Variants in LRRTM4 observed in about 807,000 individuals in gnomAD.
LRRTM4 encodes the protein leucine-rich repeat transmembrane neuronal protein 4.
A neutral mutation model predicts 47.6 loss-of-function variants in LRRTM4; 25 were observed. The observed-to-expected ratio is 0.53, with a 90% CI of 0.38 to 0.73. The LOEUF is 0.73. LRRTM4 is among the 30% of genes least tolerant of loss of function. LRRTM4 has a pLI of 0.00. For missense variants in LRRTM4, 638 were observed against 713.4 expected (o/e 0.89, Z 1.20); for synonymous variants, 311 against 269.5 (o/e 1.15, Z -1.51).
intron 3 of LRRTM4, among the ~76,000 whole-genome samples, chr2:77,093,723 C>T (rs777707606): frequency 1.4e-4 from 21 of 151,686 alleles, no homozygotes; most frequent in South Asian, 6.2e-4. Flanking sequence ...TGCACATATA[C>T]GCCCAGATGG....
intron 3 of LRRTM4, among the ~76,000 whole-genome samples, chr2:76,929,154 C>T (rs1025939103): frequency 1.3e-5 from 2 of 152,066 alleles, no homozygotes; most frequent in African/African-American, 2.4e-5. Context: ...AGCTCTGGAG[C>T]GCTTCAAGGA....
chr2:77,082,355 G>T (rs1680560627), intron 3 of LRRTM4, among the ~76,000 whole-genome samples: 1 of 151,908 alleles, frequency 6.6e-6, no homozygotes, highest in African/African-American at 2.4e-5. Context: ...ATGCGAGAGG[G>T]ACCCAAAATT....
chr2:77,137,660 A>G (rs1441502905), intron 3 of LRRTM4, among the ~76,000 whole-genome samples: 1 of 152,218 alleles, frequency 6.6e-6, no homozygotes, highest in Non-Finnish European at 1.5e-5. Context: ...AAATTCTCCA[A>G]TCAAAAGACA....
chr2:77,272,161 G>A lies in LRRTM4; in HGVS notation c.1551+246157C>T, dbSNP rs113631890. Reference sequence around the variant, plus strand: ...TGTAACACTCTTATTTTCTCCATGCGTCTATCAACATATATTACACAGATT... The same window carrying A: ...TGTAACACTCTTATTTTCTCCATGCATCTATCAACATATATTACACAGATT... On this transcript the variant is annotated intron_variant, in intron 3 of 3. Transcript: ENST00000409884. Among the ~76,000 whole-genome samples the A allele has an allele frequency of 7.0e-4, 107 of 151,892 alleles. 1 individual carries two copies. Among genetic ancestry groups the A allele is most frequent in the African/African-American group, 2.3e-3 (94 of 41,390 alleles).
intron 3 of LRRTM4, among the ~76,000 whole-genome samples, chr2:76,973,600 T>C (rs998551759): frequency 1.3e-5 from 2 of 151,954 alleles, no homozygotes; most frequent in Admixed American, 1.3e-4. Context: ...TTGCAGACCA[T>C]ATTACTTCTG....
At chr2:77,343,657 T>C (rs1671456519) in intron 3 of LRRTM4, among the ~76,000 whole-genome samples, 1 of 151,958 alleles carries the variant, frequency 6.6e-6, no homozygotes, top group Admixed American at 6.6e-5. Flanking sequence ...TTTAGCAGTT[T>C]TATTCATTCA....
chr2:77,292,048 C>T (rs1179333938), intron 3 of LRRTM4, among the ~76,000 whole-genome samples: 3 of 152,014 alleles, frequency 2.0e-5, no homozygotes, highest in Non-Finnish European at 4.4e-5. Context: ...CATGAACAGA[C>T]ACTTCTCAAA....
At chr2:76,794,803 A>G (rs1432207810) in intron 3 of LRRTM4, among the ~76,000 whole-genome samples, 1 of 151,900 alleles carries the variant, frequency 6.6e-6, no homozygotes, top group Non-Finnish European at 1.5e-5. Flanking sequence ...AGCCAGTAGC[A>G]TCAATCCCCC....
At chr2:76,973,881 A>G (rs958590062) in intron 3 of LRRTM4, among the ~76,000 whole-genome samples, 1 of 151,856 alleles carries the variant, frequency 6.6e-6, no homozygotes, top group African/African-American at 2.4e-5. Context: ...GTGTCATGGG[A>G]TAAATGTAAT....
At chr2:77,256,828 G>T (rs1675781658) in intron 3 of LRRTM4, among the ~76,000 whole-genome samples, 1 of 151,540 alleles carries the variant, frequency 6.6e-6, no homozygotes, top group South Asian at 2.1e-4. Context: ...AAAGTCCATA[G>T]GGAAGGAAGG....
At chr2:76,766,642 G>C (rs75209228) in intron 3 of LRRTM4, among the ~76,000 whole-genome samples, 4,509 of 152,292 alleles carry the variant, frequency 0.03, 101 homozygotes, top group Middle Eastern at 0.092. Context: ...AATAGGAGAG[G>C]TAGTATTTAT....
intron 3 of LRRTM4, among the ~76,000 whole-genome samples, chr2:77,498,057 C>T (rs1221179892): frequency 6.6e-6 from 1 of 151,702 alleles, no homozygotes; most frequent in Non-Finnish European, 1.5e-5. Flanking sequence ...AGTGTTTAAG[C>T]CCAGGTCTTT....
chr2:77,157,648 C>T (rs1387767621), intron 3 of LRRTM4, among the ~76,000 whole-genome samples: 1 of 151,986 alleles, frequency 6.6e-6, no homozygotes, highest in Middle Eastern at 3.2e-3. Flanking sequence ...TAGAAATAAA[C>T]CTATAATGTA....
Position 77,217,995 on chromosome 2 carries a change from A to AT in LRRTM4, c.1551+300322dup, listed in dbSNP as rs1281146191. On this transcript the variant is annotated intron_variant, in intron 3 of 3. Coordinates refer to ENST00000409884, the MANE Select transcript of LRRTM4 (RefSeq NM_001134745.3). ...ACTGAGCTTTATTTTTTTTTATTTT[A>AT]TTTTTTTTGAGACAGAGTTTCACTC... is the stretch of plus-strand genomic sequence containing the variant. 3.3e-5 allele frequency among the ~76,000 whole-genome samples: 5 copies of AT among 151,564 alleles called. No individual in the cohort carries two copies. In the East Asian group the frequency reaches 5.8e-4, roughly 18 times the overall value.
At chr2:77,380,423 C>T (rs1353829142) in intron 3 of LRRTM4, among the ~76,000 whole-genome samples, 1 of 152,000 alleles carries the variant, frequency 6.6e-6, no homozygotes, top group Non-Finnish European at 1.5e-5. Context: ...ATGATTATTT[C>T]ATTGAGTAGT....
chr2:77,111,370 G>A lies in LRRTM4; in HGVS notation c.1552-362454C>T, dbSNP rs780560657. Among the ~76,000 whole-genome samples the A allele has an allele frequency of 4.1e-5, 6 of 147,484 alleles. No individual in the cohort carries two copies. The South Asian group carries it at 1.1e-3, about 26-fold the overall frequency. ...TCTCCATCTACTGACCTCGTGATCC[G>A]CCCGCCTCGGCCTCCCAAAGTGCTG... On this transcript the variant is annotated intron_variant, in intron 3 of 3. Transcript: ENST00000409884.
chr2:76,853,552 A>C (rs1172574167), intron 3 of LRRTM4, among the ~76,000 whole-genome samples: 1 of 152,114 alleles, frequency 6.6e-6, no homozygotes, highest in Non-Finnish European at 1.5e-5. Context: ...AATTGTCAAG[A>C]AAATGATGCC....
intron 3 of LRRTM4, among the ~76,000 whole-genome samples, chr2:77,315,667 G>A (rs1332517165): frequency 6.6e-6 from 1 of 151,942 alleles, no homozygotes; most frequent in Non-Finnish European, 1.5e-5. Context: ...TTTGGTTGGG[G>A]GTGGTAAGAG....
chr2:76,790,702 C>G (rs979216417), intron 3 of LRRTM4, among the ~76,000 whole-genome samples: 1 of 151,444 alleles, frequency 6.6e-6, no homozygotes, highest in South Asian at 2.1e-4. Context: ...TGGATAGACC[C>G]CCCCCCACCA....
Sources: gnomAD v4.1 joint callset for allele counts (sites outside exome capture counted in the v4.1 genomes callset) on GRCh38, gnomAD v4.1.1 for gene constraint, MANE v1.5 for transcripts, NCBI Gene and HGNC (gene_info 2026-07-23, HGNC 2026-07-21) for gene names.